Variants in PTPRQ observed in about 807,000 individuals in gnomAD.
The protein encoded by PTPRQ is phosphatidylinositol phosphatase PTPRQ.
Under a neutral mutation model 246.0 loss-of-function variants are expected in PTPRQ, and 199 were observed. That is an observed-to-expected ratio of 0.81 (90% CI 0.72 to 0.91). PTPRQ has a LOEUF of 0.91. Among genes scored for constraint, PTPRQ ranks in the 40% least tolerant of loss-of-function variants. PTPRQ has a pLI of 0.00. For synonymous variants in PTPRQ, 869 were observed against 853.2 expected, an observed-to-expected ratio of 1.02 and a Z score of -0.32; for missense variants, 2,624 against 2,528.4, an observed-to-expected ratio of 1.04 and a Z score of -0.81.
chr12:80,652,075 A>G (rs373906577), intron 37 of PTPRQ, among the ~76,000 whole-genome samples: 3 of 152,072 alleles, frequency 2.0e-5, no homozygotes, highest in African/African-American at 7.2e-5. Flanking sequence ...ACACATGTAA[A>G]TTTTCAGCTC....
At chr12:80,596,847 T>A (rs978830553) in intron 26 of PTPRQ, among the ~76,000 whole-genome samples, 1 of 152,072 alleles carries the variant, frequency 6.6e-6, no homozygotes, top group African/African-American at 2.4e-5. Flanking sequence ...TGTTCATGCC[T>A]AGTAAATCAA....
chr12:80,566,979 G>T (rs996645835), intron 25 of PTPRQ, among the ~76,000 whole-genome samples: 2 of 152,176 alleles, frequency 1.3e-5, no homozygotes, highest in Admixed American at 6.5e-5. Context: ...TATTTAGGTT[G>T]TTATCAAAGA....
At chr12:80,632,472 A>G (rs562229364) in intron 34 of PTPRQ, among the ~76,000 whole-genome samples, 181 bp downstream of exon 34, 1 of 152,364 alleles carries the variant, frequency 6.6e-6, no homozygotes, top group South Asian at 2.1e-4. Context: ...TGCGTTGTGT[A>G]GTGACTAAAT....
At chr12:80,445,972 A>G (rs892587616) in intron 3 of PTPRQ, among the ~76,000 whole-genome samples, 4 of 151,868 alleles carry the variant, frequency 2.6e-5, no homozygotes, top group African/African-American at 4.8e-5. Context: ...ATATATTTAT[A>G]TACATGTATG....
At chr12:80,641,219 TG>T (rs1448077087) in intron 35 of PTPRQ, among the ~76,000 whole-genome samples, 1 of 152,162 alleles carries the variant, frequency 6.6e-6, no homozygotes, top group Non-Finnish European at 1.5e-5. Context: ...AAACATTTTT[TG>T]TTACATTCTG....
intron 27 of PTPRQ, among the ~76,000 whole-genome samples, chr12:80,605,782 T>A (rs1898296103): frequency 6.6e-6 from 1 of 151,016 alleles, no homozygotes; most frequent in South Asian, 2.1e-4. Context: ...TGAGGCTAGA[T>A]CCAGAGGCTG....
Position 80,668,997 on chromosome 12 carries a change from A to T in PTPRQ, c.6193-10A>T, listed in dbSNP as rs747868935. On this transcript the variant is annotated splice_polypyrimidine_tract_variant and intron_variant, in intron 39 of 44. Transcript: ENST00000644991. ...ACAGTGATGCAGTGTTTGTAATTAT[A>T]TCCTTCTAGGGTTATTTATGTCCAA... The T allele has an allele frequency of 1.3e-6, 2 of 1,544,658 alleles. No homozygotes were observed. Among genetic ancestry groups the T allele is most frequent in the South Asian group, 1.2e-5 (1 of 82,938 alleles).
chr12:80,508,616 T>C (rs879674732), intron 16 of PTPRQ, among the ~76,000 whole-genome samples: 4 of 152,000 alleles, frequency 2.6e-5, no homozygotes, highest in Non-Finnish European at 4.4e-5. Context: ...AGATGACAAA[T>C]TGAATGCACT....
intron 43 of PTPRQ, among the ~76,000 whole-genome samples, chr12:80,678,163 T>C (rs982303083): frequency 6.6e-6 from 1 of 150,948 alleles, no homozygotes; most frequent in African/African-American, 2.5e-5. Context: ...TAAACATATT[T>C]TAAATGCGCT....
chr12:80,614,200 A>G (rs12304762), intron 29 of PTPRQ, among the ~76,000 whole-genome samples: 28,381 of 150,658 alleles, frequency 0.19, 4,513 homozygotes, highest in African/African-American at 0.43. Context: ...AATTTTAAGG[A>G]CAAAAGACAG....
intron 35 of PTPRQ, among the ~76,000 whole-genome samples, chr12:80,638,037 G>A (rs1899722365): frequency 6.6e-6 from 1 of 152,050 alleles, no homozygotes; most frequent in Non-Finnish European, 1.5e-5. Context: ...GGAGGCCTAG[G>A]TGGGTGGATC....
At chr12:80,531,328 A>G (rs1003643223) in intron 17 of PTPRQ, among the ~76,000 whole-genome samples, 2 of 152,168 alleles carry the variant, frequency 1.3e-5, no homozygotes, top group African/African-American at 2.4e-5. Context: ...AAAATAAAAC[A>G]TAATGGAACA....
rs549339524 is a variant in PTPRQ, at chr12:80,523,825, A to G, written c.2679-10190A>G. Among the ~76,000 whole-genome samples, 17 of 152,308 alleles carry G rather than the reference A, an allele frequency of 1.1e-4. No homozygotes were observed. In the South Asian group the frequency reaches 1.2e-3, roughly 11 times the overall value. On this transcript the variant is annotated intron_variant, in intron 17 of 44. Coordinates refer to ENST00000644991, the MANE Select transcript of PTPRQ (RefSeq NM_001145026.2). ...TGGAATAGGTGTGGTGTTGTGCTGA[A>G]AAGAATGCATATTCTGTTGATTTGG...
chr12:80,506,191 A>T lies in PTPRQ; in HGVS notation c.2440A>T (p.Thr814Ser), dbSNP rs893618988. ...EERTINTTSL[T>S]QNIKVLKKYT... ...AAGAACTATAAATACAACCTCTTTA[A>T]CCCAAAACATTAAAGGTAAAAGAAC... is the stretch of plus-strand genomic sequence containing the variant. The change falls in exon 15 of 45, where the codon ACC (threonine) becomes TCC (serine). Residue 814 changes from threonine (T) to serine (S), a missense_variant. Transcript: ENST00000644991. 154 of 1,488,740 alleles carry T rather than the reference A, an allele frequency of 1.0e-4. No individual in the cohort carries two copies. Among genetic ancestry groups the T allele is most frequent in the Non-Finnish European group, 1.3e-4 (148 of 1,122,354 alleles). The allele number at this position is 1,488,740 out of a possible 1,614,324, so 92.2% of individuals were successfully genotyped here.
chr12:80,616,270 C>A lies in PTPRQ; in HGVS notation c.5230+4C>A. 6.8e-7 allele frequency: 1 copy of A among 1,470,646 alleles called. No homozygotes were observed. Among genetic ancestry groups the A allele is most frequent in the African/African-American group, 1.5e-5 (1 of 68,506 alleles). 91.1% of individuals were successfully genotyped at this position (1,470,646 alleles called of 1,614,324 possible). On this transcript the variant is annotated splice_donor_region_variant and intron_variant, in intron 30 of 44. Coordinates refer to ENST00000644991, the MANE Select transcript of PTPRQ (RefSeq NM_001145026.2). ...AGAATAACCATGGATATCAAAGGTA[C>A]ATACATGAGCTACCTTCCTATGAAA...
rs112125750 is a variant in PTPRQ, at chr12:80,444,574, T to TATATG, written c.55-163_55-162insGATAT. Among the ~76,000 whole-genome samples the TATATG allele has an allele frequency of 0.15, 23,257 of 151,654 alleles. 3,260 individuals carry two copies. The highest frequency in any genetic ancestry group is 0.38 in the African/African-American group (15,620 of 41,280). Reference sequence around the variant, plus strand: ...ATTTTAAAGTCATTTGGTAAAAAGTTATATAACATATTTGTATCTTACAAT... The same window carrying TATATG: ...ATTTTAAAGTCATTTGGTAAAAAGTTATATGATATAACATATTTGTATCTTACAAT... On this transcript the variant is annotated intron_variant, in intron 1 of 44. Transcript: ENST00000644991.
At chr12:80,654,060 T>C (rs1163552326) in intron 38 of PTPRQ, among the ~76,000 whole-genome samples, 1 of 151,884 alleles carries the variant, frequency 6.6e-6, no homozygotes, top group Non-Finnish European at 1.5e-5. Flanking sequence ...TTTCTTTCTT[T>C]CTCTCTTTCT....
Position 80,585,710 on chromosome 12 carries a change from G to A in PTPRQ, c.4286-2419G>A, listed in dbSNP as rs111619760. On this transcript the variant is annotated intron_variant, in intron 25 of 44. Coordinates refer to ENST00000644991, the MANE Select transcript of PTPRQ (RefSeq NM_001145026.2). ...ATGGCTAGGTCCCCTACCTACATATGGAATTTAGTATCTTCTTTTTCTTTT... is the reference window on the plus strand; with the variant it reads ...ATGGCTAGGTCCCCTACCTACATATAGAATTTAGTATCTTCTTTTTCTTTT... 7.5e-4 allele frequency among the ~76,000 whole-genome samples: 114 copies of A among 151,852 alleles called. 1 individual carries two copies. Among genetic ancestry groups the A allele is most frequent in the African/African-American group, 2.6e-3 (108 of 41,402 alleles).
At chr12:80,544,886 A>G (rs550175713) in intron 23 of PTPRQ, among the ~76,000 whole-genome samples, 9 of 152,242 alleles carry the variant, frequency 5.9e-5, no homozygotes, top group African/African-American at 2.2e-4. Flanking sequence ...CAGTCAATCC[A>G]CTGTGGTCCA....
Sources: gnomAD v4.1 joint callset for allele counts (sites outside exome capture counted in the v4.1 genomes callset) on GRCh38, gnomAD v4.1.1 for gene constraint, MANE v1.5 for transcripts, NCBI Gene and HGNC (gene_info 2026-07-23, HGNC 2026-07-21) for gene names.